The following XIRP2 variants were observed in gnomAD, a reference collection of about 807,000 sequenced individuals.
The protein encoded by XIRP2 is xin actin binding repeat containing 2, also known as xin actin-binding repeat-containing protein 2.
In XIRP2, 236 loss-of-function variants were observed where a neutral mutation model predicts 277.0. The ratio of observed to expected loss-of-function variants is 0.85; its 90% CI spans 0.77 to 0.95. The LOEUF is 0.95. XIRP2 is among the 40% of genes least tolerant of loss of function. XIRP2 has a pLI of 0.00. For missense variants in XIRP2, 4,640 were observed against 4,157.5 expected (o/e 1.12, Z -3.19); for synonymous variants, 1,490 against 1,416.5 (o/e 1.05, Z -1.17).
intron 5 of XIRP2, among the ~76,000 whole-genome samples, chr2:167,226,026 A>G (rs961243881): frequency 3.3e-5 from 5 of 152,200 alleles, no homozygotes; most frequent in Admixed American, 2.0e-4. Flanking sequence ...TGGTTGATGC[A>G]GAATTCAGAT....
chr2:167,153,906 T>C (rs1176715800), intron 3 of XIRP2, among the ~76,000 whole-genome samples: 1 of 151,418 alleles, frequency 6.6e-6, no homozygotes, highest in African/African-American at 2.4e-5. Context: ...TGATTTATAG[T>C]CCTTTGGGCA....
At chr2:167,039,815 A>C (rs1656926542) in intron 2 of XIRP2, among the ~76,000 whole-genome samples, 1 of 152,234 alleles carries the variant, frequency 6.6e-6, no homozygotes, top group Non-Finnish European at 1.5e-5. Context: ...ACATATTGAA[A>C]GGCAGTTTGG....
chr2:167,036,971 C>T (rs185798483), intron 2 of XIRP2, among the ~76,000 whole-genome samples: 162 of 152,248 alleles, frequency 1.1e-3, no homozygotes, highest in Middle Eastern at 6.8e-3. Flanking sequence ...TTTCACCCTC[C>T]GCCATGATTC....
In XIRP2 at chr2:166,891,525, C is replaced by T. The variant is rs558081741; in HGVS notation, c.-19+2968C>T. ...AGTTTTTTCCTTAATATTGAAAATG[C>T]CATTTCTTTGAATCTCTTAACTAAT... On this transcript the variant is annotated intron_variant, in intron 1 of 10. Transcript: ENST00000409195. Among the ~76,000 whole-genome samples the T allele has an allele frequency of 8.5e-5, 13 of 152,080 alleles. No homozygotes were observed. In the East Asian group the frequency reaches 2.3e-3, roughly 27 times the overall value.
At chr2:167,232,423 C>G (rs190007506) in intron 5 of XIRP2, among the ~76,000 whole-genome samples, 10 of 150,600 alleles carry the variant, frequency 6.6e-5, no homozygotes, top group Admixed American at 2.0e-4. Flanking sequence ...CCCCCTAAAT[C>G]TACACCTTCT....
chr2:167,174,748 G>A (rs994991023), intron 3 of XIRP2, among the ~76,000 whole-genome samples: 3 of 152,128 alleles, frequency 2.0e-5, no homozygotes, highest in Non-Finnish European at 4.4e-5. Flanking sequence ...TCTAAACACT[G>A]TTTTATCTGT....
intron 3 of XIRP2, among the ~76,000 whole-genome samples, chr2:167,206,006 AAATT>A (rs1693843430): frequency 6.6e-6 from 1 of 152,132 alleles, no homozygotes; most frequent in African/African-American, 2.4e-5. Context: ...CACAATACTA[AAATT>A]TCAGTAACCA....
intron 2 of XIRP2, among the ~76,000 whole-genome samples, chr2:167,111,366 G>A (rs958347212): frequency 2.0e-5 from 3 of 152,136 alleles, no homozygotes; most frequent in African/African-American, 7.2e-5. Context: ...CAAGTTTATA[G>A]AGGGTTTTTA....
chr2:167,000,040 T>C (rs1026679564), intron 2 of XIRP2, among the ~76,000 whole-genome samples: 3 of 152,152 alleles, frequency 2.0e-5, no homozygotes, highest in African/African-American at 4.8e-5. Flanking sequence ...CCATTTGAAA[T>C]GTGTGATTGC....
In XIRP2 at chr2:167,115,935, T is replaced by A. The variant is rs1690885839; in HGVS notation, c.409-19974T>A. Reference sequence around the variant, plus strand: ...ATTGTTTAAGTTTCCAAGAGTTTGATGATTTTCATGTTATCTTCCTGTTTT... The same window carrying A: ...ATTGTTTAAGTTTCCAAGAGTTTGAAGATTTTCATGTTATCTTCCTGTTTT... On this transcript the variant is annotated intron_variant, in intron 2 of 10. Transcript: ENST00000409195. Among the ~76,000 whole-genome samples the A allele has an allele frequency of 2.6e-5, 4 of 152,222 alleles. No individual in the cohort carries two copies. The South Asian group carries it at 8.3e-4, about 32-fold the overall frequency.
intron 2 of XIRP2, among the ~76,000 whole-genome samples, chr2:166,945,460 C>CAA (rs142611563): frequency 6.6e-6 from 1 of 151,412 alleles, no homozygotes; most frequent in East Asian, 2.0e-4. Flanking sequence ...TAAATTGGCT[C>CAA]AAAAAAACCT....
At chr2:167,145,092 T>C (rs1322099232) in intron 3 of XIRP2, among the ~76,000 whole-genome samples, 1 of 152,174 alleles carries the variant, frequency 6.6e-6, no homozygotes, top group African/African-American at 2.4e-5. Flanking sequence ...CAAAGAATGA[T>C]TTATTCTATC....
At chr2:167,111,721 T>C (rs759029295) in intron 2 of XIRP2, among the ~76,000 whole-genome samples, 7 of 152,158 alleles carry the variant, frequency 4.6e-5, no homozygotes, top group South Asian at 4.1e-4. Flanking sequence ...CCTCAATTTT[T>C]TGGAATAATT....
intron 2 of XIRP2, among the ~76,000 whole-genome samples, chr2:167,012,623 A>T (rs1179710312): frequency 6.6e-6 from 1 of 151,508 alleles, no homozygotes; most frequent in Non-Finnish European, 1.5e-5. Context: ...ACCTTTCTTT[A>T]TGTATTCTCG....
chr2:167,024,609 T>C (rs1442318774), intron 2 of XIRP2, among the ~76,000 whole-genome samples: 5 of 152,164 alleles, frequency 3.3e-5, no homozygotes, highest in Non-Finnish European at 5.9e-5. Context: ...ATAGCTCTTA[T>C]TATTTTGAGA....
intron 2 of XIRP2, among the ~76,000 whole-genome samples, chr2:167,071,504 T>G (rs1457126502): frequency 6.6e-6 from 1 of 152,158 alleles, no homozygotes; most frequent in African/African-American, 2.4e-5. Flanking sequence ...AAAGCTAAAC[T>G]TACCTTATGG....
chr2:166,935,832 T>C (rs1685480958), intron 2 of XIRP2, among the ~76,000 whole-genome samples: 1 of 152,216 alleles, frequency 6.6e-6, no homozygotes, highest in African/African-American at 2.4e-5. Context: ...TTTGGGTTGG[T>C]TAAAAGTCTT....
chr2:167,134,244 TTG>T (rs148836349), intron 2 of XIRP2, among the ~76,000 whole-genome samples: 2,103 of 151,382 alleles, frequency 0.014, 55 homozygotes, highest in African/African-American at 0.049. Context: ...TATTATATAT[TTG>T]TGTGAATATA....
intron 2 of XIRP2, among the ~76,000 whole-genome samples, chr2:167,126,394 C>T (rs934915374): frequency 1.4e-4 from 22 of 152,008 alleles, no homozygotes; most frequent in Non-Finnish European, 2.6e-4. Context: ...AAAGTTCCCA[C>T]GAGATGAATG....
Sources: allele counts gnomAD v4.1 joint callset (sites outside exome capture counted in the v4.1 genomes callset), GRCh38; gene constraint gnomAD v4.1.1; transcripts MANE v1.5; gene names NCBI Gene and HGNC (gene_info 2026-07-23, HGNC 2026-07-21).